The following RNF212B variants were observed in gnomAD, a reference collection of about 807,000 sequenced individuals.
The protein encoded by RNF212B is E3 ubiquitin-protein ligase RNF212B.
A neutral mutation model predicts 55.5 loss-of-function variants in RNF212B; 52 were observed. That is an observed-to-expected ratio of 0.94 (90% CI 0.75 to 1.18). RNF212B has a LOEUF of 1.18. RNF212B is among the 50% of genes most tolerant of loss of function. RNF212B has a pLI of 0.00. For missense variants in RNF212B, 289 were observed against 350.4 expected, an observed-to-expected ratio of 0.82 and a Z score of 1.40; for synonymous variants, 99 against 121.4, an observed-to-expected ratio of 0.82 and a Z score of 1.21.
chr14:23,208,924 A>G lies in RNF212B; in HGVS notation c.-2+15523A>G, dbSNP rs533227125. On this transcript the variant is annotated intron_variant, in intron 2 of 15. Coordinates refer to the RNF212B transcript ENST00000399910. ...CAGGTGCCCGCCACTACGCCTGGCT[A>G]ATTTTTTGTATTTTTAGTAGAGACG... Among the ~76,000 whole-genome samples, 61 of 151,314 alleles carry G rather than the reference A, an allele frequency of 4.0e-4. 1 individual carries two copies. The highest frequency in any genetic ancestry group is 1.2e-3 in the African/African-American group (48 of 41,032).
intron 2 of RNF212B, among the ~76,000 whole-genome samples, chr14:23,194,734 C>CAAAAAAAAA (rs34019946): frequency 8.0e-5 from 6 of 74,966 alleles, no homozygotes; most frequent in Middle Eastern, 0.011. Flanking sequence ...GACTCTGTCT[C>CAAAAAAAAA]AAAAAAAAAA....
intron 11 of RNF212B, among the ~76,000 whole-genome samples, chr14:23,267,229 G>A (rs1467442323): frequency 1.3e-5 from 2 of 152,048 alleles, no homozygotes; most frequent in African/African-American, 4.8e-5. Context: ...CAATCCTCCT[G>A]CCTCAGCTCC....
Position 23,262,731 on chromosome 14 carries a change from T to C in RNF212B, c.481+20T>C, listed in dbSNP as rs1337638874. ...AGTCAGGTGGAGAACATTTTTCCCC[T>C]AAATATCTGTGTGAGATGAATATCC... On this transcript the variant is annotated intron_variant, in intron 8 of 14. Transcript: ENST00000430154. 1.9e-6 allele frequency: 3 copies of C among 1,548,360 alleles called. No individual in the cohort carries two copies. Among genetic ancestry groups the C allele is most frequent in the East Asian group, 2.4e-5 (1 of 40,908 alleles).
chr14:23,273,185 A>G lies in RNF212B; in HGVS notation c.*294A>G. 1 of 238,126 alleles carries G rather than the reference A, an allele frequency of 4.2e-6. No individual in the cohort carries two copies. The highest frequency in any genetic ancestry group is 8.2e-6 in the Non-Finnish European group (1 of 122,262). 14.8% of individuals were successfully genotyped at this position (238,126 alleles called of 1,614,324 possible). ...AAAGGTCAAAAAAATAATTCTTGGCATCATGCTTGGTTGGGAGTTGGGAAT... is the reference window on the plus strand; with the variant it reads ...AAAGGTCAAAAAAATAATTCTTGGCGTCATGCTTGGTTGGGAGTTGGGAAT... On this transcript the variant is annotated 3_prime_UTR_variant, in exon 15 of 15. Coordinates refer to ENST00000430154, the MANE Select transcript of RNF212B (RefSeq NM_001282322.3).
At chr14:23,236,101 T>C (rs1883070290), upstream of RNF212B, among the ~76,000 whole-genome samples, 1 of 152,194 alleles carries the variant, frequency 6.6e-6, no homozygotes, top group Non-Finnish European at 1.5e-5. Flanking sequence ...GAAGCAAATA[T>C]AGGACTCCAC....
intron 1 of RNF212B, among the ~76,000 whole-genome samples, chr14:23,190,099 G>A (rs946921446): frequency 7.2e-5 from 11 of 152,046 alleles, no homozygotes; most frequent in African/African-American, 2.7e-4. Context: ...CCACTCTCCT[G>A]GCTTCCCCCA....
At chr14:23,243,744 G>A (rs1335616630) in intron 3 of RNF212B, among the ~76,000 whole-genome samples, 1 of 121,614 alleles carries the variant, frequency 8.2e-6, no homozygotes, top group African/African-American at 3.2e-5. Flanking sequence ...AAGCAAGCAA[G>A]CAAAGAAACA....
intron 5 of RNF212B, 144 bp downstream of exon 5, chr14:23,258,808 C>G: frequency 4.5e-6 from 2 of 440,684 alleles, no homozygotes; most frequent in Non-Finnish European, 8.0e-6. Context: ...ATTTTTGATC[C>G]CCTGAATCTC....
rs542239514 is a variant in RNF212B at position 23,215,103 on chromosome 14, G to A, written c.-2+21702G>A. Reference sequence around the variant, plus strand: ...GGTGGGAGGTGATTGGATCATGCGGGCAGTTTCCCCCATACTGTTCTCATG... The same window carrying A: ...GGTGGGAGGTGATTGGATCATGCGGACAGTTTCCCCCATACTGTTCTCATG... On this transcript the variant is annotated intron_variant, in intron 2 of 15. Coordinates refer to the RNF212B transcript ENST00000399910. 8.5e-5 allele frequency among the ~76,000 whole-genome samples: 13 copies of A among 152,230 alleles called. No homozygotes were observed. In the South Asian group the frequency reaches 1.9e-3, roughly 22 times the overall value.
chr14:23,219,822 C>T (rs1247181087), intron 2 of RNF212B, among the ~76,000 whole-genome samples: 2 of 151,970 alleles, frequency 1.3e-5, no homozygotes, highest in Non-Finnish European at 2.9e-5. Context: ...TCAGTGTTGT[C>T]ATCAGTTTAC....
At chr14:23,240,289 G>A in intron 1 of RNF212B, 56 bp from the exon 2 acceptor site, 3 of 1,196,396 alleles carry the variant, frequency 2.5e-6, no homozygotes, top group South Asian at 1.3e-5. Flanking sequence ...TTTTGGAACA[G>A]CTATAATTAT....
At chr14:23,228,811 T>C (rs755552974) in intron 2 of RNF212B, among the ~76,000 whole-genome samples, 2 of 152,174 alleles carry the variant, frequency 1.3e-5, no homozygotes, top group Non-Finnish European at 2.9e-5. Flanking sequence ...GAATAGAGCA[T>C]GCAGAAATGG....
At chr14:23,190,175 A>G (rs1053295480) in intron 1 of RNF212B, among the ~76,000 whole-genome samples, 16 of 151,156 alleles carry the variant, frequency 1.1e-4, no homozygotes, top group Non-Finnish European at 2.2e-4. Flanking sequence ...TCTCTTCTCT[A>G]TCCTCCCTCT....
At chr14:23,188,360 A>G (rs1225166207) in intron 1 of RNF212B, 1 of 152,010 alleles carries the variant, frequency 6.6e-6, no homozygotes, top group African/African-American at 2.4e-5. Context: ...GGGCCTTAAC[A>G]GTCTTCTTTC....
At chr14:23,186,343 A>G (rs1021191587) in intron 1 of RNF212B, among the ~76,000 whole-genome samples, 1 of 75,848 alleles carries the variant, frequency 1.3e-5, no homozygotes, top group Non-Finnish European at 3.2e-5. Flanking sequence ...TTAAATTTTG[A>G]GCATTTTTTT....
chr14:23,215,574 ATTC>A (rs1880981359), intron 2 of RNF212B, among the ~76,000 whole-genome samples: 1 of 152,174 alleles, frequency 6.6e-6, no homozygotes. Flanking sequence ...ACTGCACAAC[ATTC>A]TTCAAGTGCT....
At chr14:23,209,251 G>A (rs954068840) in intron 2 of RNF212B, among the ~76,000 whole-genome samples, 1 of 152,106 alleles carries the variant, frequency 6.6e-6, no homozygotes, top group African/African-American at 2.4e-5. Context: ...GGTTTTGGTG[G>A]GTTTTGGCCG....
chr14:23,230,373 G>A (rs923228406), intron 2 of RNF212B, among the ~76,000 whole-genome samples: 2 of 151,684 alleles, frequency 1.3e-5, no homozygotes, highest in Non-Finnish European at 2.9e-5. Flanking sequence ...AGCCATTGCC[G>A]GCCGGGCGCG....
At position 23,186,473 on chromosome 14, in the gene RNF212B, C is replaced by T. The variant is rs971889358; in HGVS notation, c.-79+983C>T. ...CAAGTGATTCTCCTGCCTCAGCCTC[C>T]TAAGTAGCTGGGATTACAGGCACCT... On this transcript the variant is annotated intron_variant, in intron 1 of 15. Coordinates refer to the RNF212B transcript ENST00000399910. Among the ~76,000 whole-genome samples, 5 of 151,998 alleles carry T rather than the reference C, an allele frequency of 3.3e-5. No homozygotes were observed. The East Asian group carries it at 7.7e-4, about 24-fold the overall frequency.
Sources: gnomAD v4.1 joint callset for allele counts (sites outside exome capture counted in the v4.1 genomes callset) on GRCh38, gnomAD v4.1.1 for gene constraint, MANE v1.5 for transcripts, NCBI Gene and HGNC (gene_info 2026-07-23, HGNC 2026-07-21) for gene names.